The following DPY19L4 variants were observed in gnomAD, a reference collection of about 807,000 sequenced individuals.
DPY19L4 encodes the protein probable C-mannosyltransferase DPY19L4.
In DPY19L4, 97 loss-of-function variants were observed where a neutral mutation model predicts 102.8. The ratio of observed to expected loss-of-function variants is 0.94; its 90% CI spans 0.80 to 1.12. The LOEUF is 1.12. DPY19L4 is among the 50% of genes most tolerant of loss of function. The pLI, the probability that DPY19L4 is intolerant of heterozygous loss-of-function variation, is 0.00. For missense variants in DPY19L4, 815 were observed against 850.4 expected (o/e 0.96, Z 0.52); for synonymous variants, 252 against 283.1 (o/e 0.89, Z 1.10).
intron 1 of DPY19L4, among the ~76,000 whole-genome samples, chr8:94,722,003 G>A (rs1422304047): frequency 6.6e-6 from 1 of 152,176 alleles, no homozygotes; most frequent in Admixed American, 6.6e-5. Flanking sequence ...CAGCTACTCA[G>A]GAGGCTGAGA....
At chr8:94,726,483 G>T in intron 2 of DPY19L4, 42 bp downstream of exon 2, 1 of 1,459,900 alleles carries the variant, frequency 6.8e-7, no homozygotes, top group Non-Finnish European at 9.4e-7. Context: ...TACAAAAATA[G>T]TTTACACTAG....
chr8:94,755,122 A>T (rs1812103843), intron 6 of DPY19L4, among the ~76,000 whole-genome samples: 1 of 152,178 alleles, frequency 6.6e-6, no homozygotes, highest in Admixed American at 6.5e-5. Flanking sequence ...GGGAATTTTC[A>T]AAAGTCTCTA....
chr8:94,771,918 A>G (rs1812954279), intron 13 of DPY19L4, among the ~76,000 whole-genome samples: 1 of 152,210 alleles, frequency 6.6e-6, no homozygotes, highest in African/African-American at 2.4e-5. Flanking sequence ...AATAAGGTAG[A>G]ATTTTTATAT....
intron 8 of DPY19L4, among the ~76,000 whole-genome samples, chr8:94,764,167 G>A (rs1812525379): frequency 6.6e-6 from 1 of 152,160 alleles, no homozygotes; most frequent in African/African-American, 2.4e-5. Flanking sequence ...ATTTGAGGTT[G>A]CATAGATGAA....
intron 14 of DPY19L4, among the ~76,000 whole-genome samples, chr8:94,778,007 G>T (rs534159356): frequency 6.6e-6 from 1 of 152,268 alleles, no homozygotes; most frequent in South Asian, 2.1e-4. Context: ...GAAGTGGGTG[G>T]ATCACTTGAG....
chr8:94,723,020 A>G (rs202019060), intron 1 of DPY19L4, among the ~76,000 whole-genome samples: 1 of 152,256 alleles, frequency 6.6e-6, no homozygotes, highest in Non-Finnish European at 1.5e-5. Flanking sequence ...GGAAACTGCT[A>G]TGTCTAGCCT....
chr8:94,738,573 G>T, intron 4 of DPY19L4, 114 bp downstream of exon 4: 1 of 355,872 alleles, frequency 2.8e-6, no homozygotes. Context: ...GGAGTGCAGT[G>T]GTGCGATCTT....
chr8:94,778,280 A>G (rs957528130), intron 14 of DPY19L4, among the ~76,000 whole-genome samples: 1 of 152,176 alleles, frequency 6.6e-6, no homozygotes, highest in Non-Finnish European at 1.5e-5. Context: ...TTTAATGCAT[A>G]CAACTTAAAA....
intron 2 of DPY19L4, among the ~76,000 whole-genome samples, chr8:94,733,996 A>G (rs546237339): frequency 6.6e-6 from 1 of 151,766 alleles, no homozygotes; most frequent in African/African-American, 2.4e-5. Flanking sequence ...ATATTGATAC[A>G]TTATTATTAA....
At chr8:94,746,094 C>G (rs995598007) in intron 6 of DPY19L4, among the ~76,000 whole-genome samples, 2 of 103,952 alleles carry the variant, frequency 1.9e-5, no homozygotes, top group African/African-American at 7.6e-5. Context: ...TGGAGTCTGT[C>G]TCTGTTGCCC....
chr8:94,783,025 G>A (rs959489362), intron 16 of DPY19L4, among the ~76,000 whole-genome samples: 10 of 151,922 alleles, frequency 6.6e-5, no homozygotes, highest in Admixed American at 3.3e-4. Flanking sequence ...TTCAATAGCC[G>A]GGCACTATCC....
chr8:94,722,084 G>T (rs1054878734), intron 1 of DPY19L4, among the ~76,000 whole-genome samples: 1 of 151,944 alleles, frequency 6.6e-6, no homozygotes, highest in African/African-American at 2.4e-5. Context: ...ACTCCAGCCT[G>T]GGTGACAGAG....
intron 6 of DPY19L4, among the ~76,000 whole-genome samples, chr8:94,747,185 C>T (rs1270476096): frequency 6.6e-6 from 1 of 152,018 alleles, no homozygotes; most frequent in Non-Finnish European, 1.5e-5. Context: ...ATCTTAGCTT[C>T]TCTAGTAGCT....
intron 6 of DPY19L4, among the ~76,000 whole-genome samples, chr8:94,741,042 C>G (rs996268981): frequency 6.6e-6 from 1 of 152,124 alleles, no homozygotes; most frequent in Non-Finnish European, 1.5e-5. Context: ...TTACCTTTAT[C>G]TCCTGTGTTT....
intron 18 of DPY19L4, among the ~76,000 whole-genome samples, chr8:94,789,297 A>C (rs1239519308): frequency 6.6e-6 from 1 of 152,218 alleles, no homozygotes; most frequent in Non-Finnish European, 1.5e-5. Flanking sequence ...TAACTAAGCT[A>C]TCTTAGTGAA....
intron 4 of DPY19L4, among the ~76,000 whole-genome samples, chr8:94,738,862 C>T (rs570378380): frequency 1.3e-5 from 2 of 152,136 alleles, no homozygotes; most frequent in South Asian, 4.2e-4. Context: ...ATTTTAGAAC[C>T]TTTCCTCCTC....
chr8:94,726,575 C>A, intron 2 of DPY19L4, 134 bp downstream of exon 2: 2 of 638,786 alleles, frequency 3.1e-6, no homozygotes, highest in Non-Finnish European at 5.1e-6. Flanking sequence ...TTTTGGACAA[C>A]CCCCAAATCT....
chr8:94,770,338 G>C (rs1812870228), intron 12 of DPY19L4, 114 bp from the exon 13 acceptor site: 4 of 1,145,796 alleles, frequency 3.5e-6, no homozygotes, highest in Non-Finnish European at 4.7e-6. Flanking sequence ...TATATTTTTT[G>C]TTATGACGAA....
rs150300913 is a variant in DPY19L4 at position 94,778,741 on chromosome 8, G to A, written c.1575+955G>A. 4.7e-4 allele frequency among the ~76,000 whole-genome samples: 72 copies of A among 152,040 alleles called. No homozygotes were observed. In the Middle Eastern group the frequency reaches 0.01, roughly 22 times the overall value. On this transcript the variant is annotated intron_variant, in intron 14 of 18. Transcript: ENST00000414645. ...GATTGGAAATATATTTAGTTATTAG[G>A]CAAATGAAGGGGAAAGAAAGGGTAT... is the stretch of plus-strand genomic sequence containing the variant.
Sources: allele counts gnomAD v4.1 joint callset (sites outside exome capture counted in the v4.1 genomes callset), GRCh38; gene constraint gnomAD v4.1.1; transcripts MANE v1.5; gene names NCBI Gene and HGNC (gene_info 2026-07-23, HGNC 2026-07-21).